SSH1: variants seen among roughly 807,000 people sequenced by gnomAD.
SSH1 encodes the protein protein phosphatase Slingshot homolog 1.
Under a neutral mutation model 79.7 loss-of-function variants are expected in SSH1, and 43 were observed. That is an observed-to-expected ratio of 0.54 (90% CI 0.42 to 0.70). The LOEUF (loss-of-function observed/expected upper bound fraction) is 0.70. SSH1 is among the 30% of genes least tolerant of loss of function. The probability of loss-of-function intolerance (pLI) is 0.00; values close to 1 mark genes in which losing one functional copy is unlikely to be tolerated. For synonymous variants in SSH1, 599 were observed against 538.3 expected (o/e 1.11, Z -1.56); for missense variants, 1,206 against 1,358.8 (o/e 0.89, Z 1.77).
chr12:108,836,028 C>CGATTATAACTATATTAATATAATT, intron 2 of SSH1, among the ~76,000 whole-genome samples: 1 of 143,234 alleles, frequency 7.0e-6, no homozygotes. Flanking sequence ...TTAATATAAT[C>CGATTATAACTATATTAATATAATT]GATTATATTA....
At position 108,829,201 on chromosome 12, in the gene SSH1, G is replaced by C. The variant is rs534952889; in HGVS notation, c.111-5840C>G. Among the ~76,000 whole-genome samples, 3 of 152,220 alleles carry C rather than the reference G, an allele frequency of 2.0e-5. No homozygotes were observed. The South Asian group carries it at 6.2e-4, about 32-fold the overall frequency. ...AAATTAGCCAGGTGTGGTGGTGCATGCCTGTAATCCCAGCTACTCAGGAGG... is the reference window on the plus strand; with the variant it reads ...AAATTAGCCAGGTGTGGTGGTGCATCCCTGTAATCCCAGCTACTCAGGAGG... On this transcript the variant is annotated intron_variant, in intron 2 of 14. Transcript: ENST00000326495.
At chr12:108,853,722 G>A (rs554897206) in intron 1 of SSH1, among the ~76,000 whole-genome samples, 2 of 152,198 alleles carry the variant, frequency 1.3e-5, no homozygotes, top group South Asian at 2.1e-4. Context: ...TCAGGAGTTC[G>A]AGACCAGCCT....
intron 5 of SSH1, among the ~76,000 whole-genome samples, chr12:108,814,241 C>CT (rs1399914573): frequency 6.6e-6 from 1 of 152,038 alleles, no homozygotes; most frequent in African/African-American, 2.4e-5. Flanking sequence ...AAAACAAAAA[C>CT]TTTGAGAGTG....
At position 108,817,190 on chromosome 12, in the gene SSH1, C is replaced by T. The variant is rs946502103; in HGVS notation, c.280-31G>A. ...ACAGGGCAGACATGCTCTCACTAAC[C>T]TGCCTTTGGAGGTGGTGCCTCCCTC... On this transcript the variant is annotated intron_variant, in intron 4 of 14. Transcript: ENST00000326495. 5.6e-6 allele frequency: 9 copies of T among 1,611,788 alleles called. No homozygotes were observed. In the Middle Eastern group the frequency reaches 4.9e-4, roughly 88 times the overall value.
intron 5 of SSH1, 81 bp downstream of exon 5, chr12:108,816,957 G>C: frequency 6.2e-7 from 1 of 1,600,722 alleles, no homozygotes; most frequent in Non-Finnish European, 8.5e-7. Flanking sequence ...ACCTCTGATG[G>C]ATATGGGACC....
chr12:108,806,259 T>G, intron 9 of SSH1, 42 bp downstream of exon 9: 1 of 1,571,756 alleles, frequency 6.4e-7, no homozygotes, highest in Non-Finnish European at 8.8e-7. Context: ...ACATGGAGGC[T>G]GCATGACCTC....
In SSH1 at chr12:108,787,897, C is replaced by G; in HGVS notation, c.*91G>C. On this transcript the variant is annotated 3_prime_UTR_variant, in exon 15 of 15. Coordinates refer to ENST00000326495, the MANE Select transcript of SSH1 (RefSeq NM_018984.4). ...ATGACTTCACTCGTTTAAGGGAAATCAAGATGTAAGGGGTCGATCCAAATC... is the reference window on the plus strand; with the variant it reads ...ATGACTTCACTCGTTTAAGGGAAATGAAGATGTAAGGGGTCGATCCAAATC... 1.3e-6 allele frequency: 2 copies of G among 1,525,448 alleles called. No homozygotes were observed. The highest frequency in any genetic ancestry group is 1.8e-6 in the Non-Finnish European group (2 of 1,107,380). The allele number at this position is 1,525,448 out of a possible 1,614,324, so 94.5% of individuals were successfully genotyped here.
At chr12:108,812,962 A>G (rs943488400) in intron 5 of SSH1, among the ~76,000 whole-genome samples, 2 of 151,600 alleles carry the variant, frequency 1.3e-5, no homozygotes, top group Non-Finnish European at 2.9e-5. Flanking sequence ...TCCAGGGCCT[A>G]ATCAATCCTC....
chr12:108,811,698 A>G (rs992088209), intron 5 of SSH1: 13 of 360,122 alleles, frequency 3.6e-5, no homozygotes, highest in African/African-American at 2.5e-4. Context: ...CGGCAGGGGG[A>G]GCGTGCTCAC....
At chr12:108,790,212 G>A (rs567079356) in intron 14 of SSH1, among the ~76,000 whole-genome samples, 278 of 150,758 alleles carry the variant, frequency 1.8e-3, no homozygotes, top group Non-Finnish European at 3.0e-3. Context: ...GTGCAATTGC[G>A]TGATCTTGTC....
At position 108,781,683 on chromosome 12, in the gene SSH1, T is replaced by A. The variant is rs183588886; in HGVS notation, c.*6305A>T. ...ATACATTTCCCAGTCTCCCTGGCTGTTGCATTGGGACCCTGTGACTGGGCC... is the reference window on the plus strand; with the variant it reads ...ATACATTTCCCAGTCTCCCTGGCTGATGCATTGGGACCCTGTGACTGGGCC... On this transcript the variant is annotated 3_prime_UTR_variant, in exon 15 of 15. Transcript: ENST00000326495. The A allele has an allele frequency of 3.5e-4, 54 of 152,328 alleles. No individual in the cohort carries two copies. Among genetic ancestry groups the A allele is most frequent in the African/African-American group, 1.3e-3 (52 of 41,566 alleles). The allele number at this position is 152,328 out of a possible 1,614,324, so 9.4% of individuals were successfully genotyped here.
intron 5 of SSH1, among the ~76,000 whole-genome samples, chr12:108,813,075 A>T (rs1276840554): frequency 6.6e-6 from 1 of 152,110 alleles, no homozygotes; most frequent in African/African-American, 2.4e-5. Context: ...TATATTGCCC[A>T]GGCTGGTCTT....
intron 14 of SSH1, among the ~76,000 whole-genome samples, chr12:108,790,979 A>T (rs1284873851): frequency 2.0e-5 from 3 of 152,268 alleles, no homozygotes; most frequent in Non-Finnish European, 4.4e-5. Flanking sequence ...TTTCTCAGTA[A>T]GCACCAGGTT....
Position 108,779,411 on chromosome 12 carries a change from G to T in SSH1, c.*8577C>A, listed in dbSNP as rs145167169. The T allele has an allele frequency of 2.4e-4, 36 of 152,320 alleles. No individual in the cohort carries two copies. Among genetic ancestry groups the T allele is most frequent in the African/African-American group, 8.7e-4 (36 of 41,568 alleles). 9.4% of individuals were successfully genotyped at this position (152,320 alleles called of 1,614,324 possible). ...CTGCTTCCTTGCTGAAACCACAAGG[G>T]AGATCAAGATGCATCTTTGTCTGGC... On this transcript the variant is annotated 3_prime_UTR_variant, in exon 15 of 15. Coordinates refer to ENST00000326495, the MANE Select transcript of SSH1 (RefSeq NM_018984.4).
intron 2 of SSH1, among the ~76,000 whole-genome samples, chr12:108,845,561 C>A (rs1479604081): frequency 6.6e-6 from 1 of 152,164 alleles, no homozygotes; most frequent in African/African-American, 2.4e-5. Context: ...GTGGTATGCG[C>A]CTGTAATCCC....
At chr12:108,806,492 G>T in intron 8 of SSH1, 98 bp from the exon 9 acceptor site, 3 of 1,084,292 alleles carry the variant, frequency 2.8e-6, no homozygotes, top group Non-Finnish European at 4.3e-6. Flanking sequence ...AACAGAACAC[G>T]GCTTGGCAAG....
chr12:108,819,322 T>C (rs1593084899), intron 3 of SSH1, among the ~76,000 whole-genome samples: 1 of 152,064 alleles, frequency 6.6e-6, no homozygotes, highest in Admixed American at 6.6e-5. Flanking sequence ...GTTCCTGGAG[T>C]GCAGTGAGGA....
At position 108,797,685 on chromosome 12, in the gene SSH1, G is replaced by A. The variant is rs548400844; in HGVS notation, c.1349+1315C>T. 1.2e-4 allele frequency among the ~76,000 whole-genome samples: 19 copies of A among 152,264 alleles called. No individual in the cohort carries two copies. The Middle Eastern group carries it at 0.01, about 82-fold the overall frequency. On this transcript the variant is annotated intron_variant, in intron 13 of 14. Transcript: ENST00000326495. ...AGATGGAGGCTGGACGAGGCAGAGAGGTGGCTTGACCTCAGGGGAGAGCGA... is the reference window on the plus strand; with the variant it reads ...AGATGGAGGCTGGACGAGGCAGAGAAGTGGCTTGACCTCAGGGGAGAGCGA...
Position 108,788,770 on chromosome 12 carries a change from T to G in SSH1, c.2368A>C (p.Arg790=). The G allele has an allele frequency of 6.2e-7, 1 of 1,614,260 alleles. No individual in the cohort carries two copies. The change falls in exon 15 of 15, where the codon AGG becomes CGG. Residue 790 remains arginine, a synonymous_variant. Transcript: ENST00000326495. ...KKDMKPAKDL[R]LLFSNESEKP... is the part of the protein sequence containing the mutation. Reference sequence around the variant, plus strand: ...TCAGATTCATTACTGAACAGAAGCCTCAGGTCCTTGGCTGGCTTCATATCT... The same window carrying G: ...TCAGATTCATTACTGAACAGAAGCCGCAGGTCCTTGGCTGGCTTCATATCT...
Sources: allele counts gnomAD v4.1 joint callset (sites outside exome capture counted in the v4.1 genomes callset), GRCh38; gene constraint gnomAD v4.1.1; transcripts MANE v1.5; gene names NCBI Gene and HGNC (gene_info 2026-07-23, HGNC 2026-07-21).